Variants in NAALAD2 observed in about 807,000 individuals in gnomAD.
NAALAD2 encodes N-acetylated alpha-linked acidic dipeptidase 2, also known as N-acetylated-alpha-linked acidic dipeptidase 2.
Under a neutral mutation model 95.6 loss-of-function variants are expected in NAALAD2, and 89 were observed. The observed-to-expected ratio is 0.93, with a 90% confidence interval of 0.78 to 1.11. The LOEUF is 1.11. NAALAD2 is among the 50% of genes least tolerant of loss of function. NAALAD2 has a pLI of 0.00. For synonymous variants in NAALAD2, 264 were observed against 294.4 expected (o/e 0.90, Z 1.06); for missense variants, 894 against 872.4 (o/e 1.02, Z -0.31).
intron 12 of NAALAD2, 46 bp downstream of exon 12, chr11:90,169,038 T>TC (rs757411447): frequency 7.2e-7 from 1 of 1,383,700 alleles, no homozygotes; most frequent in African/African-American, 1.5e-5. Flanking sequence ...AAAGGAAATT[T>TC]TACTTCAAGT....
At chr11:90,163,691 T>C (rs1175869811) in intron 11 of NAALAD2, 74 bp downstream of exon 11, 1 of 1,302,862 alleles carries the variant, frequency 7.7e-7, no homozygotes, top group South Asian at 1.2e-5. Flanking sequence ...CTCAGGATGA[T>C]CAAAAATATA....
chr11:90,183,833 C>T (rs1454726506), intron 18 of NAALAD2, among the ~76,000 whole-genome samples: 1 of 152,144 alleles, frequency 6.6e-6, no homozygotes, highest in Non-Finnish European at 1.5e-5. Flanking sequence ...ATATTAAATG[C>T]ATTTTTGACT....
chr11:90,140,251 A>G (rs1312782050), intron 2 of NAALAD2, among the ~76,000 whole-genome samples: 1 of 152,112 alleles, frequency 6.6e-6, no homozygotes, highest in East Asian at 1.9e-4. Context: ...ATTACAGTTA[A>G]TTTTACATAA....
chr11:90,141,255 G>T (rs1951605840), intron 2 of NAALAD2, among the ~76,000 whole-genome samples: 1 of 152,042 alleles, frequency 6.6e-6, no homozygotes, highest in African/African-American at 2.4e-5. Flanking sequence ...ACACATATTT[G>T]TCTAAAAAAC....
chr11:90,137,857 G>C (rs1471777102), intron 2 of NAALAD2, among the ~76,000 whole-genome samples: 1 of 151,878 alleles, frequency 6.6e-6, no homozygotes, highest in Non-Finnish European at 1.5e-5. Context: ...TGCCCAGGCT[G>C]GTCTCGAACT....
At position 90,192,760 on chromosome 11, in the gene NAALAD2, A is replaced by G. The variant is rs1857369405; in HGVS notation, c.*1013A>G. 1 of 151,978 alleles carries G rather than the reference A, an allele frequency of 6.6e-6. No homozygotes were observed. The highest frequency in any genetic ancestry group is 6.6e-5 in the Admixed American group (1 of 15,248). The allele number at this position is 151,978 out of a possible 1,614,324, so 9.4% of individuals were successfully genotyped here. ...AGTCTGATGGGTGATGAAAATAGCT[A>G]CTACAATCTTCATATTCTAACTCCT... On this transcript the variant is annotated 3_prime_UTR_variant, in exon 19 of 19. Transcript: ENST00000534061.
intron 6 of NAALAD2, among the ~76,000 whole-genome samples, chr11:90,154,280 G>C (rs7929913): frequency 0.057 from 8,723 of 151,800 alleles, 852 homozygotes; most frequent in African/African-American, 0.2. Context: ...GTTAGCTCTA[G>C]GTTTTTTATA....
intron 8 of NAALAD2, 84 bp from the exon 9 acceptor site, chr11:90,162,865 A>C: frequency 1.3e-6 from 1 of 757,978 alleles, no homozygotes; most frequent in Non-Finnish European, 2.2e-6. Flanking sequence ...ATAAAACACT[A>C]TTATGAAAAT....
Position 90,158,994 on chromosome 11 carries a change from T to C in NAALAD2, c.891-245T>C, listed in dbSNP as rs1285029391. 3.9e-5 allele frequency: 16 copies of C among 412,694 alleles called. No homozygotes were observed. In the Admixed American group the frequency reaches 6.8e-4, roughly 18 times the overall value. The allele number at this position is 412,694 out of a possible 1,614,324, so 25.6% of individuals were successfully genotyped here. On this transcript the variant is annotated intron_variant, in intron 7 of 18. Transcript: ENST00000534061. ...AAGGAGATAGCCTTCCCATTTGCCA[T>C]GACTACTTTATTTTTTCTCTTTGCT...
chr11:90,137,958 T>G (rs1037908721), intron 2 of NAALAD2, among the ~76,000 whole-genome samples: 2 of 151,912 alleles, frequency 1.3e-5, no homozygotes, highest in Admixed American at 1.3e-4. Context: ...ATGGAGATTT[T>G]AGAGTTCTTT....
At chr11:90,174,879 TGATGTCACAAGTG>T (rs1952743058) in intron 14 of NAALAD2, among the ~76,000 whole-genome samples, 1 of 152,236 alleles carries the variant, frequency 6.6e-6, no homozygotes, top group African/African-American at 2.4e-5. Context: ...AGCACCAACA[TGATGTCACAAGTG>T]GAAAATTCCA....
rs1952585507 is a variant in NAALAD2 at position 90,169,972 on chromosome 11, A to G, written c.1343-97A>G. The G allele has an allele frequency of 3.7e-6, 3 of 808,404 alleles. No homozygotes were observed. The Admixed American group carries it at 5.7e-5, about 15-fold the overall frequency. The allele number at this position is 808,404 out of a possible 1,614,324, so 50.1% of individuals were successfully genotyped here. ...TAAAATCTTTGATTTGAAGATCATT[A>G]TATCTTGTTTAAAATTAGAAAATAA... On this transcript the variant is annotated intron_variant, in intron 12 of 18. Transcript: ENST00000534061.
chr11:90,177,847 T>C lies in NAALAD2; in HGVS notation c.1594-6T>C. 6.3e-7 allele frequency: 1 copy of C among 1,593,908 alleles called. No homozygotes were observed. Among genetic ancestry groups the C allele is most frequent in the Non-Finnish European group, 8.5e-7 (1 of 1,173,514 alleles). ...ATTTATACTTGCCTCTCCATTTTTT[T>C]TTCAGAAAACAGATAAGTACAGCAG... is the stretch of plus-strand genomic sequence containing the variant. On this transcript the variant is annotated splice_polypyrimidine_tract_variant and splice_region_variant and intron_variant, in intron 15 of 18. Coordinates refer to ENST00000534061, the MANE Select transcript of NAALAD2 (RefSeq NM_005467.4).
rs1340330834 is a variant in NAALAD2, at chr11:90,192,027, T to C, written c.*280T>C. 5 of 202,090 alleles carry C rather than the reference T, an allele frequency of 2.5e-5. No individual in the cohort carries two copies. Among genetic ancestry groups the C allele is most frequent in the Middle Eastern group, 1.8e-3 (1 of 564 alleles). The allele number at this position is 202,090 out of a possible 1,614,324, so 12.5% of individuals were successfully genotyped here. A position where few individuals can be genotyped will look rare whatever the true frequency, so the allele number is the denominator to read the frequency against. ...AGCAAGGAACATGAATTCTCAGACATTGTGAGTGTGGGAATGTAAAATGGT... is the reference window on the plus strand; with the variant it reads ...AGCAAGGAACATGAATTCTCAGACACTGTGAGTGTGGGAATGTAAAATGGT... On this transcript the variant is annotated 3_prime_UTR_variant, in exon 19 of 19. Coordinates refer to ENST00000534061, the MANE Select transcript of NAALAD2 (RefSeq NM_005467.4).
At chr11:90,181,090 T>G (rs562398929) in intron 16 of NAALAD2, among the ~76,000 whole-genome samples, 18 of 152,240 alleles carry the variant, frequency 1.2e-4, no homozygotes, top group Admixed American at 3.3e-4. Context: ...GAGAACCTAA[T>G]CACTTTCCTC....
At chr11:90,160,950 C>T (rs1175164159) in intron 8 of NAALAD2, among the ~76,000 whole-genome samples, 1 of 152,140 alleles carries the variant, frequency 6.6e-6, no homozygotes, top group Admixed American at 6.6e-5. Flanking sequence ...CAGATATTAT[C>T]AAATGACAAG....
chr11:90,170,998 G>A (rs984346024), intron 13 of NAALAD2, among the ~76,000 whole-genome samples: 1 of 152,166 alleles, frequency 6.6e-6, no homozygotes, highest in African/African-American at 2.4e-5. Context: ...TTTTATGTCA[G>A]TGTAGTGAAT....
intron 13 of NAALAD2, among the ~76,000 whole-genome samples, chr11:90,172,370 T>C (rs1242649612): frequency 6.6e-6 from 1 of 152,156 alleles, no homozygotes; most frequent in Non-Finnish European, 1.5e-5. Context: ...CTACCATTAC[T>C]CTGTGGATGG....
At chr11:90,182,879 G>T in intron 17 of NAALAD2, 37 bp from the exon 18 acceptor site, 3 of 1,302,928 alleles carry the variant, frequency 2.3e-6, no homozygotes, top group South Asian at 1.3e-5. Flanking sequence ...ATGATTCTGC[G>T]GTTTGCGTTA....
Sources: gnomAD v4.1 joint callset for allele counts (sites outside exome capture counted in the v4.1 genomes callset) on GRCh38, gnomAD v4.1.1 for gene constraint, MANE v1.5 for transcripts, NCBI Gene and HGNC (gene_info 2026-07-23, HGNC 2026-07-21) for gene names.